Variants in CCDC73 observed in about 807,000 individuals in gnomAD.
CCDC73 encodes the protein coiled-coil domain-containing protein 73.
A neutral mutation model predicts 116.5 loss-of-function variants in CCDC73; 95 were observed. The ratio of observed to expected loss-of-function variants is 0.82; its 90% confidence interval spans 0.69 to 0.97. The LOEUF is 0.97. CCDC73 is among the 50% of genes least tolerant of loss of function. The probability of loss-of-function intolerance (pLI) is 0.00; values close to 1 mark genes in which losing one functional copy is unlikely to be tolerated. For synonymous variants in CCDC73, 398 were observed against 401.3 expected (o/e 0.99, Z 0.10); for missense variants, 1,066 against 1,206.8 (o/e 0.88, Z 1.73).
intron 3 of CCDC73, among the ~76,000 whole-genome samples, chr11:32,715,801 A>G (rs1759271953): frequency 6.6e-6 from 1 of 152,222 alleles, no homozygotes; most frequent in Non-Finnish European, 1.5e-5. Context: ...TGTTTGTTTC[A>G]GGCAACTGCT....
chr11:32,639,097 G>A (rs1057305435), intron 13 of CCDC73, among the ~76,000 whole-genome samples: 7 of 151,266 alleles, frequency 4.6e-5, no homozygotes, highest in Admixed American at 1.3e-4. Context: ...GCAGTGAGCC[G>A]AGATCGCACC....
Position 32,614,962 on chromosome 11 carries a change from G to C in CCDC73, c.1376-20C>G, listed in dbSNP as rs773468335. ...GTAAATCTGTCATGATGGGAACACA[G>C]TAAAATTTTATATTATACACTAAAG... is the stretch of plus-strand genomic sequence containing the variant. On this transcript the variant is annotated intron_variant, in intron 15 of 17. Coordinates refer to ENST00000335185, the MANE Select transcript of CCDC73 (RefSeq NM_001008391.4). 25 of 1,493,660 alleles carry C rather than the reference G, an allele frequency of 1.7e-5. No individual in the cohort carries two copies. The South Asian group carries it at 2.5e-4, about 15-fold the overall frequency. The allele number at this position is 1,493,660 out of a possible 1,614,324, so 92.5% of individuals were successfully genotyped here.
At chr11:32,704,597 T>G (rs1449798473) in intron 3 of CCDC73, among the ~76,000 whole-genome samples, 2 of 152,128 alleles carry the variant, frequency 1.3e-5, no homozygotes, top group East Asian at 3.9e-4. Flanking sequence ...TGACAGGAGG[T>G]GCTCCTGGCA....
intron 2 of CCDC73, among the ~76,000 whole-genome samples, chr11:32,750,037 AT>A (rs35436047): frequency 0.57 from 85,527 of 151,094 alleles, 24,580 homozygotes; most frequent in East Asian, 0.84. Context: ...CGCCCGGCTA[AT>A]TTTTTGTATT....
At chr11:32,653,668 A>T (rs1350157724) in intron 11 of CCDC73, among the ~76,000 whole-genome samples, 2 of 152,194 alleles carry the variant, frequency 1.3e-5, no homozygotes, top group African/African-American at 2.4e-5. Context: ...CACATATTTT[A>T]AAAAATGAAT....
intron 13 of CCDC73, among the ~76,000 whole-genome samples, chr11:32,639,306 G>T (rs916861936): frequency 6.6e-6 from 1 of 152,078 alleles, no homozygotes; most frequent in Non-Finnish European, 1.5e-5. Flanking sequence ...TTGCACTATT[G>T]TGATTAATTC....
chr11:32,724,753 T>C (rs1850016881), intron 2 of CCDC73, among the ~76,000 whole-genome samples: 1 of 152,110 alleles, frequency 6.6e-6, no homozygotes, highest in Non-Finnish European at 1.5e-5. Context: ...TCAACATAAT[T>C]CCTACCCTAC....
chr11:32,789,740 T>C (rs1353289977), intron 1 of CCDC73, among the ~76,000 whole-genome samples: 4 of 152,120 alleles, frequency 2.6e-5, no homozygotes, highest in Non-Finnish European at 5.9e-5. Flanking sequence ...GCCACTACAC[T>C]CCAGCCTGTG....
chr11:32,676,602 T>C (rs1856091317), intron 7 of CCDC73, among the ~76,000 whole-genome samples: 1 of 152,190 alleles, frequency 6.6e-6, no homozygotes, highest in African/African-American at 2.4e-5. Flanking sequence ...CTAGGCAATA[T>C]AGCAAGACCC....
chr11:32,670,777 A>C (rs16923516), intron 9 of CCDC73, among the ~76,000 whole-genome samples: 2,613 of 152,332 alleles, frequency 0.017, 88 homozygotes, highest in African/African-American at 0.059. Flanking sequence ...TAATCAGCTA[A>C]GTCTTGTAGG....
chr11:32,658,614 C>T (rs1434544399), intron 9 of CCDC73, among the ~76,000 whole-genome samples: 1 of 152,088 alleles, frequency 6.6e-6, no homozygotes, highest in Non-Finnish European at 1.5e-5. Context: ...GTGTGTCAGG[C>T]ACATAGAAGT....
At chr11:32,735,286 A>C (rs553624048) in intron 2 of CCDC73, among the ~76,000 whole-genome samples, 1,618 of 152,322 alleles carry the variant, frequency 0.011, 31 homozygotes, top group African/African-American at 0.037. Context: ...ATCTCAGCCC[A>C]AAATCTCCTT....
chr11:32,618,577 A>G (rs1313044610), intron 14 of CCDC73, among the ~76,000 whole-genome samples: 1 of 151,890 alleles, frequency 6.6e-6, no homozygotes, highest in African/African-American at 2.4e-5. Context: ...TTTTGAGACA[A>G]AGTCTCACTT....
At chr11:32,755,684 C>T (rs1235781698) in intron 2 of CCDC73, among the ~76,000 whole-genome samples, 20 of 30,420 alleles carry the variant, frequency 6.6e-4, no homozygotes, top group South Asian at 1.3e-3. Flanking sequence ...TATATATCTC[C>T]ATATATATGT....
At chr11:32,684,486 T>C (rs1281178353) in intron 6 of CCDC73, among the ~76,000 whole-genome samples, 2 of 152,230 alleles carry the variant, frequency 1.3e-5, no homozygotes, top group Non-Finnish European at 2.9e-5. Context: ...ATGTACAATA[T>C]AGCTTTTTAA....
rs1034823809 is a variant in CCDC73, at chr11:32,741,922, T to C, written c.135+18187A>G. 5.4e-4 allele frequency among the ~76,000 whole-genome samples: 82 copies of C among 152,134 alleles called. 1 individual carries two copies. Among genetic ancestry groups the C allele is most frequent in the African/African-American group, 1.7e-3 (70 of 41,538 alleles). Reference sequence around the variant, plus strand: ...GAACATGTGGTGTTTGGTTTTCTGATCTTGTGATAGTTTGCTGAGAATGAT... The same window carrying C: ...GAACATGTGGTGTTTGGTTTTCTGACCTTGTGATAGTTTGCTGAGAATGAT... On this transcript the variant is annotated intron_variant, in intron 2 of 17. Transcript: ENST00000335185.
intron 14 of CCDC73, among the ~76,000 whole-genome samples, chr11:32,625,945 T>C (rs375019084): frequency 0.04 from 4,256 of 106,158 alleles, 78 homozygotes; most frequent in Non-Finnish European, 0.045. Flanking sequence ...TCTCTCACCG[T>C]TCCTATTCAA....
chr11:32,603,201 ATCT>A, intron 17 of CCDC73, 181 bp from the exon 18 acceptor site: 1 of 505,734 alleles, frequency 2.0e-6, no homozygotes, highest in Non-Finnish European at 3.4e-6. Flanking sequence ...TATGTAGTAG[ATCT>A]TCAAAATCTC....
chr11:32,768,829 A>G (rs1014261176), intron 1 of CCDC73, among the ~76,000 whole-genome samples: 17 of 152,210 alleles, frequency 1.1e-4, no homozygotes, highest in African/African-American at 3.6e-4. Context: ...TAGGCGACGG[A>G]GTGAGACTCC....
Sources: allele counts gnomAD v4.1 joint callset (sites outside exome capture counted in the v4.1 genomes callset), GRCh38; gene constraint gnomAD v4.1.1; transcripts MANE v1.5; gene names NCBI Gene and HGNC (gene_info 2026-07-23, HGNC 2026-07-21).